Variants in QKI observed in about 807,000 individuals in gnomAD.
QKI encodes the protein KH domain-containing RNA-binding protein QKI.
In QKI, 10 loss-of-function variants were observed where a neutral mutation model predicts 39.0. That is an observed-to-expected ratio of 0.26 (90% CI 0.16 to 0.43). QKI has a LOEUF of 0.43. QKI is among the 20% of genes least tolerant of loss of function. QKI has a pLI of 1.00. For missense variants in QKI, 218 were observed against 428.0 expected, an observed-to-expected ratio of 0.51 and a Z score of 4.33; for synonymous variants, 204 against 155.4, an observed-to-expected ratio of 1.31 and a Z score of -2.33.
intron 3 of QKI, among the ~76,000 whole-genome samples, chr6:163,528,576 T>C (rs1383803539): frequency 1.3e-5 from 2 of 152,160 alleles, no homozygotes; most frequent in Non-Finnish European, 2.9e-5. Flanking sequence ...TTGCTTAGCA[T>C]TGTCCTTGGC....
Position 163,549,580 on chromosome 6 carries a change from C to T in QKI, c.547-12402C>T, listed in dbSNP as rs116265732. 3.5e-3 allele frequency among the ~76,000 whole-genome samples: 535 copies of T among 152,144 alleles called. 4 individuals carry two copies. The highest frequency in any genetic ancestry group is 0.012 in the African/African-American group (518 of 41,502). On this transcript the variant is annotated intron_variant, in intron 4 of 7. Coordinates refer to ENST00000361752, the MANE Select transcript of QKI (RefSeq NM_006775.3). The stretch of plus-strand genomic sequence containing the variant: ...ACAAAAAATTAGTTGGGCATGGTGA[C>T]GCACACATGTAATCTCAGCTACTCC...
intron 2 of QKI, among the ~76,000 whole-genome samples, chr6:163,462,409 A>G (rs2128221024): frequency 6.6e-6 from 1 of 152,340 alleles, no homozygotes; most frequent in African/African-American, 2.4e-5. Flanking sequence ...CCTGTCTATC[A>G]TAAACTTGGG....
At chr6:163,488,588 C>T (rs1318638370) in intron 3 of QKI, among the ~76,000 whole-genome samples, 1 of 152,100 alleles carries the variant, frequency 6.6e-6, no homozygotes, top group Non-Finnish European at 1.5e-5. Flanking sequence ...ACAAAGCAGT[C>T]TCAGAATAAC....
At chr6:163,426,136 T>G (rs1352476909) in intron 1 of QKI, among the ~76,000 whole-genome samples, 1 of 152,198 alleles carries the variant, frequency 6.6e-6, no homozygotes, top group Non-Finnish European at 1.5e-5. Context: ...CAGATTTCTG[T>G]AGTGGATCCC....
chr6:163,430,051 A>G (rs1276036669), intron 1 of QKI, among the ~76,000 whole-genome samples: 1 of 152,140 alleles, frequency 6.6e-6, no homozygotes. Flanking sequence ...GACAGGTAGG[A>G]TTGAAGTGGA....
chr6:163,436,428 T>G (rs1417334626), intron 1 of QKI, among the ~76,000 whole-genome samples: 10 of 152,112 alleles, frequency 6.6e-5, no homozygotes, highest in African/African-American at 2.2e-4. Context: ...TATGAGAGCT[T>G]AATATTTTGA....
At chr6:163,495,204 C>G (rs187529933) in intron 3 of QKI, among the ~76,000 whole-genome samples, 6 of 152,114 alleles carry the variant, frequency 3.9e-5, no homozygotes, top group African/African-American at 1.2e-4. Flanking sequence ...CATGAGCCAC[C>G]GCGCTTGGCC....
At chr6:163,527,858 A>AT (rs1450875048) in intron 3 of QKI, among the ~76,000 whole-genome samples, 1 of 152,188 alleles carries the variant, frequency 6.6e-6, no homozygotes, top group Non-Finnish European at 1.5e-5. Flanking sequence ...TACGCATTGT[A>AT]TATTAAGATC....
chr6:163,498,888 G>T (rs891050661), intron 3 of QKI, among the ~76,000 whole-genome samples: 3 of 151,996 alleles, frequency 2.0e-5, no homozygotes, highest in Non-Finnish European at 4.4e-5. Context: ...CAGATTTTGG[G>T]TTTTTTTGGA....
chr6:163,481,904 A>T (rs891261816), intron 3 of QKI, among the ~76,000 whole-genome samples: 1 of 152,170 alleles, frequency 6.6e-6, no homozygotes, highest in Non-Finnish European at 1.5e-5. Context: ...ATTTGAAACT[A>T]GGCTGGGCAC....
At chr6:163,549,462 G>A (rs1782094941) in intron 4 of QKI, among the ~76,000 whole-genome samples, 1 of 152,164 alleles carries the variant, frequency 6.6e-6, no homozygotes, top group African/African-American at 2.4e-5. Flanking sequence ...TGTAATCCTA[G>A]CACTTTGGGA....
chr6:163,432,506 G>A (rs140568285), intron 1 of QKI, among the ~76,000 whole-genome samples: 5 of 151,252 alleles, frequency 3.3e-5, no homozygotes, highest in African/African-American at 1.2e-4. Flanking sequence ...CGATCCTCCT[G>A]CCTCAGCCTC....
At chr6:163,421,775 C>G (rs1354027611) in intron 1 of QKI, among the ~76,000 whole-genome samples, 1 of 150,608 alleles carries the variant, frequency 6.6e-6, no homozygotes, top group Non-Finnish European at 1.5e-5. Flanking sequence ...GTTGGAGTCT[C>G]GCTCTGTCAC....
At chr6:163,496,478 A>G (rs1778418836) in intron 3 of QKI, among the ~76,000 whole-genome samples, 5 of 152,142 alleles carry the variant, frequency 3.3e-5, no homozygotes, top group Admixed American at 3.3e-4. Context: ...TTTAACTACT[A>G]CATTGTGCCT....
chr6:163,566,565 T>C, intron 6 of QKI, 156 bp from the exon 7 acceptor site: 1 of 1,501,610 alleles, frequency 6.7e-7, no homozygotes. Context: ...ACATGACATA[T>C]TGTGGTTAAT....
At chr6:163,424,798 A>G (rs1788283190) in intron 1 of QKI, among the ~76,000 whole-genome samples, 1 of 151,530 alleles carries the variant, frequency 6.6e-6, no homozygotes. Context: ...CACCCGGCTA[A>G]TTGCTGTATT....
chr6:163,568,229 A>G, intron 7 of QKI: 1 of 984,632 alleles, frequency 1.0e-6, no homozygotes, highest in Non-Finnish European at 1.2e-6. Context: ...ATTGTTCTAA[A>G]GAGTATTTTA....
At chr6:163,566,495 A>C in intron 6 of QKI, 1 of 1,362,690 alleles carries the variant, frequency 7.3e-7, no homozygotes, top group Non-Finnish European at 9.5e-7. Context: ...AAATGAATGG[A>C]TACAATAGGT....
chr6:163,568,218 A>C (rs1050213761), intron 7 of QKI: 2 of 984,052 alleles, frequency 2.0e-6, no homozygotes, highest in African/African-American at 3.5e-5. Flanking sequence ...TAATGTCTAC[A>C]ATTGTTCTAA....
Sources: gnomAD v4.1 joint callset for allele counts (sites outside exome capture counted in the v4.1 genomes callset) on GRCh38, gnomAD v4.1.1 for gene constraint, MANE v1.5 for transcripts, NCBI Gene and HGNC (gene_info 2026-07-23, HGNC 2026-07-21) for gene names.